The following HS3ST4 variants were observed in gnomAD, a reference collection of about 807,000 sequenced individuals.
HS3ST4 encodes the protein heparan sulfate-glucosamine 3-sulfotransferase 4, also known as heparan sulfate glucosamine 3-O-sulfotransferase 4.
HS3ST4 carries 17 observed loss-of-function variants against 29.2 expected under a neutral mutation model. The observed-to-expected ratio is 0.58, with a 90% CI of 0.40 to 0.87. HS3ST4 has a LOEUF of 0.87. Ranked by LOEUF, HS3ST4 falls within the 40% of genes least tolerant of loss-of-function variation. HS3ST4 has a pLI of 0.00. For synonymous variants in HS3ST4, 314 were observed against 285.7 expected (o/e 1.10, Z -1.00); for missense variants, 627 against 634.5 (o/e 0.99, Z 0.13).
chr16:25,871,807 A>C (rs1967755429), intron 1 of HS3ST4, among the ~76,000 whole-genome samples: 1 of 152,072 alleles, frequency 6.6e-6, no homozygotes. Flanking sequence ...TTTTTGGGTA[A>C]AGGTCCTGGA....
At chr16:25,960,632 C>T (rs893505709) in intron 1 of HS3ST4, among the ~76,000 whole-genome samples, 4 of 152,180 alleles carry the variant, frequency 2.6e-5, no homozygotes, top group Admixed American at 6.5e-5. Context: ...TACATGTCCA[C>T]TTTGGCTACA....
chr16:25,709,584 C>T (rs1480995032), intron 1 of HS3ST4, among the ~76,000 whole-genome samples: 2 of 152,244 alleles, frequency 1.3e-5, no homozygotes, highest in Middle Eastern at 3.4e-3. Flanking sequence ...GACCTAGGTT[C>T]TGTTTTGTCT....
At chr16:26,088,476 A>G (rs1386430177) in intron 1 of HS3ST4, among the ~76,000 whole-genome samples, 3 of 152,128 alleles carry the variant, frequency 2.0e-5, no homozygotes, top group African/African-American at 7.2e-5. Context: ...GTGGTAATGT[A>G]TAGTTGGTTG....
chr16:26,084,663 C>T (rs371961440), intron 1 of HS3ST4, among the ~76,000 whole-genome samples: 14 of 152,052 alleles, frequency 9.2e-5, no homozygotes, highest in African/African-American at 3.4e-4. Context: ...CTCTGGAGTA[C>T]AGTAGCATGA....
At chr16:25,987,242 TG>T in intron 1 of HS3ST4, among the ~76,000 whole-genome samples, 1 of 151,638 alleles carries the variant, frequency 6.6e-6, no homozygotes, top group South Asian at 2.1e-4. Context: ...CCCAGCTACT[TG>T]GGAAGCTGAG....
chr16:26,100,375 G>T (rs1409972704), intron 1 of HS3ST4, among the ~76,000 whole-genome samples: 1 of 152,164 alleles, frequency 6.6e-6, no homozygotes, highest in African/African-American at 2.4e-5. Flanking sequence ...AATGTTGGGT[G>T]CTTCCTTCAG....
At chr16:25,853,273 G>T (rs1967539551) in intron 1 of HS3ST4, among the ~76,000 whole-genome samples, 1 of 150,496 alleles carries the variant, frequency 6.6e-6, no homozygotes, top group Non-Finnish European at 1.5e-5. Context: ...AGTTCTGACA[G>T]ATTTTTGGTG....
chr16:25,897,525 C>T (rs767346890), intron 1 of HS3ST4, among the ~76,000 whole-genome samples: 8 of 152,286 alleles, frequency 5.3e-5, no homozygotes, highest in Middle Eastern at 3.4e-3. Flanking sequence ...CATGTGGTTC[C>T]GGTCCCAGAG....
chr16:26,072,847 A>G (rs919890256), intron 1 of HS3ST4, among the ~76,000 whole-genome samples: 1 of 152,238 alleles, frequency 6.6e-6, no homozygotes, highest in African/African-American at 2.4e-5. Flanking sequence ...AGTTACTAAG[A>G]GACACTTTCA....
chr16:25,839,695 C>T (rs1967394124), intron 1 of HS3ST4, among the ~76,000 whole-genome samples: 2 of 151,870 alleles, frequency 1.3e-5, no homozygotes, highest in South Asian at 4.1e-4. Flanking sequence ...TCGCTCTTCA[C>T]TGTTTTGTCT....
chr16:25,754,456 T>TACCCATCCATCCACCC (rs1966742800), intron 1 of HS3ST4, among the ~76,000 whole-genome samples: 1 of 151,374 alleles, frequency 6.6e-6, no homozygotes, highest in African/African-American at 2.4e-5. Flanking sequence ...TCCATCCATC[T>TACCCATCCATCCACCC]ACCCATCCAT....
Position 25,692,921 on chromosome 16 carries a change from C to T in HS3ST4, c.504C>T (p.Asp168=). Residue 168 remains aspartate, a synonymous_variant, in exon 1 of 2, where the codon GAC becomes GAT. Coordinates refer to ENST00000331351, the MANE Select transcript of HS3ST4 (RefSeq NM_006040.3). ...EREAQESSTT[D]EDLAGRRAAN... ...AAGCGCAGGAGTCCAGCACCACCGA[C>T]GAGGATCTCGCAGGCCGGAGAGCGG... 1 of 1,603,510 alleles carries T rather than the reference C, an allele frequency of 6.2e-7. No individual in the cohort carries two copies. Among genetic ancestry groups the T allele is most frequent in the Non-Finnish European group, 8.5e-7 (1 of 1,175,926 alleles).
intron 1 of HS3ST4, among the ~76,000 whole-genome samples, chr16:25,747,320 A>G (rs1406975306): frequency 3.3e-5 from 5 of 152,224 alleles, no homozygotes; most frequent in Admixed American, 2.0e-4. Context: ...ATTTCAGAAG[A>G]CACAGAAATG....
At chr16:26,093,523 G>A (rs1378367183) in intron 1 of HS3ST4, among the ~76,000 whole-genome samples, 1 of 152,164 alleles carries the variant, frequency 6.6e-6, no homozygotes, top group Non-Finnish European at 1.5e-5. Context: ...TGAGGAACCT[G>A]ACTGTTAGAA....
chr16:25,753,543 T>A (rs1966735291), intron 1 of HS3ST4, among the ~76,000 whole-genome samples: 1 of 152,194 alleles, frequency 6.6e-6, no homozygotes, highest in Non-Finnish European at 1.5e-5. Context: ...TACGCATTTG[T>A]GTTACTATTT....
chr16:25,862,167 T>TTATTTACA (rs1414974672), intron 1 of HS3ST4, among the ~76,000 whole-genome samples: 1 of 46,808 alleles, frequency 2.1e-5, no homozygotes, highest in Non-Finnish European at 4.5e-5. Flanking sequence ...ATTTACATAT[T>TTATTTACA]TATTTATTTA....
At chr16:25,858,045 TTC>T (rs1049267692) in intron 1 of HS3ST4, among the ~76,000 whole-genome samples, 2 of 151,024 alleles carry the variant, frequency 1.3e-5, no homozygotes, top group African/African-American at 4.9e-5. Context: ...TCTTTCTTCT[TTC>T]TCTTTCTTTC....
chr16:26,055,983 C>A (rs1016647738), intron 1 of HS3ST4, among the ~76,000 whole-genome samples: 1 of 151,566 alleles, frequency 6.6e-6, no homozygotes, highest in African/African-American at 2.4e-5. Flanking sequence ...CAACACCATA[C>A]CTGACCGGCT....
chr16:25,946,817 G>A (rs1968630288), intron 1 of HS3ST4, among the ~76,000 whole-genome samples: 1 of 151,956 alleles, frequency 6.6e-6, no homozygotes, highest in African/African-American at 2.4e-5. Context: ...TAGGCAAAGA[G>A]ATAGGGAAAA....
Sources: allele counts gnomAD v4.1 joint callset (sites outside exome capture counted in the v4.1 genomes callset), GRCh38; gene constraint gnomAD v4.1.1; transcripts MANE v1.5; gene names NCBI Gene and HGNC (gene_info 2026-07-23, HGNC 2026-07-21).